NRXN3: variants seen among roughly 807,000 people sequenced by gnomAD.
The protein encoded by NRXN3 is neurexin III.
Under a neutral mutation model 137.6 loss-of-function variants are expected in NRXN3, and 32 were observed. The ratio of observed to expected loss-of-function variants is 0.23; its 90% CI spans 0.18 to 0.31. The LOEUF (loss-of-function observed/expected upper bound fraction) is 0.31, where lower values mean the gene tolerates loss of function less well. Ranked by LOEUF, NRXN3 falls within the 10% of genes least tolerant of loss-of-function variation. NRXN3 has a pLI of 1.00. For missense variants in NRXN3, 1,574 were observed against 2,062.5 expected, an observed-to-expected ratio of 0.76 and a Z score of 4.59; for synonymous variants, 798 against 784.5, an observed-to-expected ratio of 1.02 and a Z score of -0.29.
chr14:79,446,707 C>T (rs977332451), intron 15 of NRXN3, among the ~76,000 whole-genome samples: 1 of 152,062 alleles, frequency 6.6e-6, no homozygotes, highest in East Asian at 1.9e-4. Context: ...AGTTTCTCTC[C>T]TTTAAAGTAC....
intron 19 of NRXN3, among the ~76,000 whole-genome samples, chr14:79,770,706 T>C (rs1023784450): frequency 1.0e-4 from 15 of 149,046 alleles, no homozygotes; most frequent in South Asian, 2.2e-4. Flanking sequence ...AACATCACAA[T>C]TAAAAGAACT....
At chr14:78,190,817 G>T (rs1033049790) in intron 1 of NRXN3, among the ~76,000 whole-genome samples, 1 of 151,890 alleles carries the variant, frequency 6.6e-6, no homozygotes, top group Non-Finnish European at 1.5e-5. Flanking sequence ...GGGATTACAG[G>T]TGCCCACCAC....
At chr14:79,649,715 C>T (rs867427535) in intron 16 of NRXN3, among the ~76,000 whole-genome samples, 39 of 152,226 alleles carry the variant, frequency 2.6e-4, no homozygotes, top group South Asian at 4.1e-4. Context: ...TCTATTTTTT[C>T]CTTCTATAGA....
chr14:78,550,558 C>G (rs1355198907), intron 4 of NRXN3, among the ~76,000 whole-genome samples: 1 of 151,776 alleles, frequency 6.6e-6, no homozygotes, highest in African/African-American at 2.4e-5. Flanking sequence ...AAAATTCATG[C>G]CAGAATTTCA....
rs111402277 is a variant in NRXN3, at chr14:78,696,816, G to C, written c.1222-12401G>C. Among the ~76,000 whole-genome samples the C allele has an allele frequency of 5.2e-3, 792 of 152,150 alleles. 13 individuals carry two copies. Among genetic ancestry groups the C allele is most frequent in the African/African-American group, 0.018 (739 of 41,490 alleles). On this transcript the variant is annotated intron_variant, in intron 6 of 20. Coordinates refer to ENST00000335750, the MANE Select transcript of NRXN3 (RefSeq NM_001330195.2). ...ATAGTCTTTACATGTGAAACACTAA[G>C]AACAATGACCAACCCATAGGAAGCT... is the stretch of plus-strand genomic sequence containing the variant.
chr14:78,930,136 A>G (rs912180398), intron 10 of NRXN3, among the ~76,000 whole-genome samples: 1 of 152,182 alleles, frequency 6.6e-6, no homozygotes, highest in African/African-American at 2.4e-5. Flanking sequence ...ACGCTCTTCA[A>G]GTTCCCTGCT....
At chr14:78,875,254 G>A (rs561353193) in intron 10 of NRXN3, among the ~76,000 whole-genome samples, 1 of 152,320 alleles carries the variant, frequency 6.6e-6, no homozygotes. Flanking sequence ...GTGACCAGCT[G>A]GGACAGGAAC....
intron 10 of NRXN3, among the ~76,000 whole-genome samples, chr14:78,955,174 C>A (rs1044773430): frequency 1.3e-5 from 2 of 152,078 alleles, no homozygotes; most frequent in African/African-American, 4.8e-5. Context: ...TCACTTTTTT[C>A]TTTCTTATTG....
chr14:78,789,344 G>A (rs748185100), intron 8 of NRXN3, among the ~76,000 whole-genome samples: 4 of 152,086 alleles, frequency 2.6e-5, no homozygotes, highest in African/African-American at 4.8e-5. Flanking sequence ...TCAACTGGGG[G>A]TGACTTTTCC....
At chr14:78,615,322 C>T (rs775013533) in intron 4 of NRXN3, among the ~76,000 whole-genome samples, 15 of 151,942 alleles carry the variant, frequency 9.9e-5, no homozygotes, top group Middle Eastern at 3.4e-3. Flanking sequence ...GATCCAGGGC[C>T]GGGCGCGGTG....
chr14:79,221,993 C>T (rs1490526553), intron 15 of NRXN3, among the ~76,000 whole-genome samples: 2 of 151,860 alleles, frequency 1.3e-5, no homozygotes, highest in Non-Finnish European at 1.5e-5. Context: ...TTCCCAACAC[C>T]ATTTGTTAAA....
intron 15 of NRXN3, among the ~76,000 whole-genome samples, chr14:79,082,391 TTGTGTGTG>T (rs57728169): frequency 6.8e-6 from 1 of 146,936 alleles, no homozygotes; most frequent in African/African-American, 2.5e-5. Context: ...TGCAAACTAA[TTGTGTGTG>T]TGTGTGTGTG....
chr14:78,548,943 G>A (rs796099296), intron 4 of NRXN3, among the ~76,000 whole-genome samples: 2 of 152,088 alleles, frequency 1.3e-5, no homozygotes, highest in Non-Finnish European at 2.9e-5. Flanking sequence ...TCTCTTCTCC[G>A]CATCTGTTCC....
chr14:79,115,905 C>T lies in NRXN3; in HGVS notation c.3262+127764C>T, dbSNP rs144343970. Reference sequence around the variant, plus strand: ...CACTTACTAAGTGTCAGAACAAGTGCTTTGCATGCCATCTTATGTATACTA... The same window carrying T: ...CACTTACTAAGTGTCAGAACAAGTGTTTTGCATGCCATCTTATGTATACTA... On this transcript the variant is annotated intron_variant, in intron 15 of 20. Coordinates refer to ENST00000335750, the MANE Select transcript of NRXN3 (RefSeq NM_001330195.2). Among the ~76,000 whole-genome samples the T allele has an allele frequency of 3.7e-3, 559 of 152,202 alleles. 2 individuals carry two copies. The highest frequency in any genetic ancestry group is 0.013 in the African/African-American group (535 of 41,504).
intron 4 of NRXN3, among the ~76,000 whole-genome samples, chr14:78,605,052 A>C (rs904803395): frequency 2.0e-5 from 3 of 152,206 alleles, no homozygotes; most frequent in African/African-American, 7.2e-5. Context: ...ATTTTCCTAA[A>C]GGCATGATTC....
intron 15 of NRXN3, among the ~76,000 whole-genome samples, chr14:79,232,211 G>GCAT (rs2072345580): frequency 6.6e-6 from 1 of 152,048 alleles, no homozygotes; most frequent in South Asian, 2.1e-4. Flanking sequence ...TCATCCCATG[G>GCAT]CATCTGGAAT....
At chr14:79,346,748 G>A (rs2092907340) in intron 15 of NRXN3, among the ~76,000 whole-genome samples, 1 of 152,032 alleles carries the variant, frequency 6.6e-6, no homozygotes, top group African/African-American at 2.4e-5. Flanking sequence ...CGTTATCCAG[G>A]GTTCACTTAC....
At chr14:79,104,039 T>C (rs1595990242) in intron 15 of NRXN3, among the ~76,000 whole-genome samples, 1 of 152,212 alleles carries the variant, frequency 6.6e-6, no homozygotes, top group Non-Finnish European at 1.5e-5. Context: ...CATGCACAGA[T>C]GTGCACATTT....
intron 15 of NRXN3, among the ~76,000 whole-genome samples, chr14:79,390,982 A>G (rs766319457): frequency 2.0e-5 from 3 of 152,106 alleles, no homozygotes; most frequent in Non-Finnish European, 4.4e-5. Context: ...GCCTTTGGTC[A>G]TGGGATGAGG....
Sources: allele counts gnomAD v4.1 joint callset (sites outside exome capture counted in the v4.1 genomes callset), GRCh38; gene constraint gnomAD v4.1.1; transcripts MANE v1.5; gene names NCBI Gene and HGNC (gene_info 2026-07-23, HGNC 2026-07-21).